The following ADGRB3 variants were observed in gnomAD, a reference collection of about 807,000 sequenced individuals.
The protein encoded by ADGRB3 is adhesion G protein-coupled receptor B3.
Under a neutral mutation model 193.4 loss-of-function variants are expected in ADGRB3, and 37 were observed. The observed-to-expected ratio is 0.19, with a 90% CI of 0.15 to 0.25. The LOEUF is 0.25. ADGRB3 is among the 10% of genes least tolerant of loss of function. ADGRB3 has a pLI of 1.00. For synonymous variants in ADGRB3, 690 were observed against 644.2 expected (o/e 1.07, Z -1.08); for missense variants, 1,637 against 1,852.9 (o/e 0.88, Z 2.14).
At chr6:68,688,673 T>C (rs1765022257) in intron 3 of ADGRB3, among the ~76,000 whole-genome samples, 2 of 152,200 alleles carry the variant, frequency 1.3e-5, no homozygotes, top group Admixed American at 6.5e-5. Flanking sequence ...AAAAATGAAT[T>C]ATCATGTAAA....
chr6:68,658,601 A>G (rs1037752339), intron 3 of ADGRB3, among the ~76,000 whole-genome samples: 1 of 151,340 alleles, frequency 6.6e-6, no homozygotes, highest in African/African-American at 2.4e-5. Flanking sequence ...CTGCTATGAG[A>G]CATGCAAAGT....
intron 18 of ADGRB3, among the ~76,000 whole-genome samples, chr6:69,234,440 T>G (rs1291735146): frequency 6.6e-6 from 1 of 152,140 alleles, no homozygotes; most frequent in South Asian, 2.1e-4. Context: ...TCACAAAATA[T>G]ACTTGAAGGT....
At chr6:68,691,269 T>C (rs1224392106) in intron 3 of ADGRB3, among the ~76,000 whole-genome samples, 1 of 152,120 alleles carries the variant, frequency 6.6e-6, no homozygotes, top group East Asian at 1.9e-4. Context: ...AAGTTTCTCA[T>C]CATGTTTTCT....
At chr6:69,062,447 T>C (rs537041148) in intron 15 of ADGRB3, among the ~76,000 whole-genome samples, 32 of 152,070 alleles carry the variant, frequency 2.1e-4, no homozygotes, top group African/African-American at 7.7e-4. Flanking sequence ...TTTATTTCTA[T>C]TTAAACTCTG....
intron 20 of ADGRB3, among the ~76,000 whole-genome samples, chr6:69,277,649 T>C (rs1204552040): frequency 6.6e-6 from 1 of 152,308 alleles, no homozygotes; most frequent in East Asian, 1.9e-4. Context: ...TGGATTTCTA[T>C]AGAGCTAATG....
At chr6:68,870,227 A>T (rs1765418624) in intron 3 of ADGRB3, among the ~76,000 whole-genome samples, 1 of 152,240 alleles carries the variant, frequency 6.6e-6, no homozygotes, top group African/African-American at 2.4e-5. Context: ...CATGGATATT[A>T]TAGATGAGTA....
chr6:69,081,485 T>C (rs1772384915), intron 17 of ADGRB3, among the ~76,000 whole-genome samples: 1 of 151,944 alleles, frequency 6.6e-6, no homozygotes, highest in Admixed American at 6.6e-5. Context: ...TAGAAAAAAT[T>C]TAATTTTCTA....
At chr6:68,937,685 T>C (rs923365488) in intron 5 of ADGRB3, among the ~76,000 whole-genome samples, 4 of 152,126 alleles carry the variant, frequency 2.6e-5, no homozygotes, top group African/African-American at 4.8e-5. Context: ...CCACAGTTGC[T>C]AAAAGCAAGA....
In ADGRB3 at chr6:68,657,866, G is replaced by T. The variant is rs561625890; in HGVS notation, c.757+18434G>T. Reference sequence around the variant, plus strand: ...GTATTTGATTAATTAAACACAACTGGCATTGCACAACTTAACCCCAAATGT... The same window carrying T: ...GTATTTGATTAATTAAACACAACTGTCATTGCACAACTTAACCCCAAATGT... On this transcript the variant is annotated intron_variant, in intron 3 of 31. Transcript: ENST00000370598. Among the ~76,000 whole-genome samples the T allele has an allele frequency of 2.6e-5, 4 of 151,244 alleles. No individual in the cohort carries two copies. In the East Asian group the frequency reaches 7.8e-4, roughly 29 times the overall value.
intron 3 of ADGRB3, among the ~76,000 whole-genome samples, chr6:68,779,405 A>G (rs1007426771): frequency 1.3e-5 from 2 of 151,962 alleles, no homozygotes; most frequent in African/African-American, 4.8e-5. Flanking sequence ...CACAGTTTCC[A>G]TATGATGCTG....
intron 3 of ADGRB3, among the ~76,000 whole-genome samples, chr6:68,697,023 A>G (rs936173514): frequency 1.3e-5 from 2 of 152,054 alleles, no homozygotes; most frequent in Non-Finnish European, 2.9e-5. Context: ...AGAGAACCAC[A>G]AAGAATTCTA....
chr6:69,002,111 A>T (rs1053775710), intron 11 of ADGRB3, among the ~76,000 whole-genome samples: 2 of 152,034 alleles, frequency 1.3e-5, no homozygotes, highest in African/African-American at 4.8e-5. Context: ...TAGTTTTCTG[A>T]TTTCTTTTTT....
At chr6:69,263,694 C>T (rs1766975732) in intron 20 of ADGRB3, among the ~76,000 whole-genome samples, 1 of 151,908 alleles carries the variant, frequency 6.6e-6, no homozygotes, top group Non-Finnish European at 1.5e-5. Context: ...TTTGGGGAGG[C>T]TTCATGGGGA....
chr6:69,190,939 A>G (rs1765172637), intron 17 of ADGRB3, among the ~76,000 whole-genome samples: 1 of 126,220 alleles, frequency 7.9e-6, no homozygotes, highest in Non-Finnish European at 1.7e-5. Flanking sequence ...GTAGTAGGCT[A>G]TGTACCCCAG....
chr6:68,898,380 T>C (rs1028238004), intron 3 of ADGRB3, among the ~76,000 whole-genome samples: 1 of 152,140 alleles, frequency 6.6e-6, no homozygotes, highest in Non-Finnish European at 1.5e-5. Flanking sequence ...ATCTCTTTAC[T>C]CAGTTTACTG....
chr6:68,926,511 T>G (rs1254510826), intron 3 of ADGRB3, among the ~76,000 whole-genome samples: 1 of 152,102 alleles, frequency 6.6e-6, no homozygotes, highest in Admixed American at 6.6e-5. Flanking sequence ...TAGCAACAAG[T>G]AGTCCACTTT....
intron 3 of ADGRB3, among the ~76,000 whole-genome samples, chr6:68,833,346 T>C (rs1767988573): frequency 6.6e-6 from 1 of 151,744 alleles, no homozygotes; most frequent in South Asian, 2.1e-4. Flanking sequence ...GGAGAGAAGA[T>C]ATTACAAATA....
chr6:68,936,126 C>T (rs1196112724), intron 4 of ADGRB3, among the ~76,000 whole-genome samples: 1 of 152,118 alleles, frequency 6.6e-6, no homozygotes, highest in African/African-American at 2.4e-5. Context: ...TCAATATATT[C>T]CTGCCGCCAA....
At chr6:68,645,573 A>G (rs1768189958) in intron 3 of ADGRB3, among the ~76,000 whole-genome samples, 2 of 152,220 alleles carry the variant, frequency 1.3e-5, no homozygotes, top group South Asian at 4.1e-4. Context: ...TTGACTAATT[A>G]ATAAACTGAG....
Sources: gnomAD v4.1 joint callset for allele counts (sites outside exome capture counted in the v4.1 genomes callset) on GRCh38, gnomAD v4.1.1 for gene constraint, MANE v1.5 for transcripts, NCBI Gene and HGNC (gene_info 2026-07-23, HGNC 2026-07-21) for gene names.